ZNF385D: variants seen among roughly 807,000 people sequenced by gnomAD.
ZNF385D encodes the protein zinc finger protein 385D.
Under a neutral mutation model 35.8 loss-of-function variants are expected in ZNF385D, and 15 were observed. That is an observed-to-expected ratio of 0.42 (90% confidence interval 0.28 to 0.64). The LOEUF is 0.64. ZNF385D is among the 30% of genes least tolerant of loss of function. ZNF385D has a pLI of 0.23. For synonymous variants in ZNF385D, 212 were observed against 186.8 expected, an observed-to-expected ratio of 1.13 and a Z score of -1.10; for missense variants, 474 against 494.6, an observed-to-expected ratio of 0.96 and a Z score of 0.39.
chr3:21,557,236 T>G (rs1026821685), intron 3 of ZNF385D, among the ~76,000 whole-genome samples: 3 of 152,226 alleles, frequency 2.0e-5, no homozygotes, highest in Non-Finnish European at 4.4e-5. Flanking sequence ...CATCCTTATC[T>G]TGTGCTAGTT....
intron 3 of ZNF385D, among the ~76,000 whole-genome samples, chr3:22,015,764 C>T (rs7620894): frequency 0.051 from 7,827 of 152,156 alleles, 681 homozygotes; most frequent in African/African-American, 0.17. Context: ...TAATTGCTCT[C>T]CATCTCCTGG....
chr3:22,255,366 T>C (rs942180437), intron 2 of ZNF385D, among the ~76,000 whole-genome samples: 5 of 151,730 alleles, frequency 3.3e-5, no homozygotes, highest in South Asian at 2.1e-4. Context: ...AAATATATTA[T>C]TGTTTTACTT....
intron 3 of ZNF385D, among the ~76,000 whole-genome samples, chr3:21,981,113 T>G (rs557031990): frequency 6.6e-6 from 1 of 152,308 alleles, no homozygotes; most frequent in Non-Finnish European, 1.5e-5. Context: ...GAATGATAGT[T>G]GTACTTTTAG....
At chr3:22,344,780 A>G (rs567067186) in intron 2 of ZNF385D, among the ~76,000 whole-genome samples, 1 of 152,226 alleles carries the variant, frequency 6.6e-6, no homozygotes, top group Non-Finnish European at 1.5e-5. Flanking sequence ...AAGTATATTT[A>G]ATGAGGATAA....
chr3:21,516,492 A>G (rs1349487389), intron 3 of ZNF385D, among the ~76,000 whole-genome samples: 1 of 152,200 alleles, frequency 6.6e-6, no homozygotes, highest in Non-Finnish European at 1.5e-5. Flanking sequence ...GAAGATAAAG[A>G]TGACTCTAAA....
At chr3:21,624,603 C>T (rs2065086798) in intron 2 of ZNF385D, among the ~76,000 whole-genome samples, 1 of 152,088 alleles carries the variant, frequency 6.6e-6, no homozygotes, top group Non-Finnish European at 1.5e-5. Context: ...AAACTGCTGG[C>T]TTCCCAACTT....
At chr3:22,220,362 C>A (rs1178230443) in intron 2 of ZNF385D, among the ~76,000 whole-genome samples, 2 of 152,112 alleles carry the variant, frequency 1.3e-5, no homozygotes, top group African/African-American at 2.4e-5. Context: ...GGAGCCACTG[C>A]CTCCAGCAAA....
At chr3:22,111,164 TTTTTTTTTTTTTG>T (rs1338833917) in intron 3 of ZNF385D, among the ~76,000 whole-genome samples, 22 of 90,424 alleles carry the variant, frequency 2.4e-4, no homozygotes, top group African/African-American at 1.7e-4. Context: ...TTTTTTTTTT[TTTTTTTTTTTTTG>T]TTTTTTTTGT....
chr3:22,036,365 G>C (rs1409168900), intron 3 of ZNF385D, among the ~76,000 whole-genome samples: 1 of 152,118 alleles, frequency 6.6e-6, no homozygotes, highest in Non-Finnish European at 1.5e-5. Flanking sequence ...GGCCCAATGA[G>C]ACAAATGATT....
Position 22,123,986 on chromosome 3 carries a change from A to ATATATATATATATG in ZNF385D, c.325+44830_325+44831insCATATATATATATA, listed in dbSNP as rs753742081. On this transcript the variant is annotated intron_variant, in intron 3 of 5. Coordinates refer to the ZNF385D transcript ENST00000494108. The stretch of plus-strand genomic sequence containing the variant: ...TCTATATATATATATATATATATAT[A>ATATATATATATATG]TATTGCTGACTGAACTCATCCTGTT... Among the ~76,000 whole-genome samples, 735 of 121,894 alleles carry ATATATATATATATG rather than the reference A, an allele frequency of 6.0e-3. 14 individuals carry two copies. The highest frequency in any genetic ancestry group is 9.2e-3 in the Non-Finnish European group (532 of 57,812). 80.0% of individuals were successfully genotyped at this position (121,894 alleles called of 152,430 possible). A position where few individuals can be genotyped will look rare whatever the true frequency, so the allele number is the denominator to read the frequency against.
chr3:21,992,592 A>G (rs999734652), intron 3 of ZNF385D, among the ~76,000 whole-genome samples: 2 of 152,162 alleles, frequency 1.3e-5, no homozygotes, highest in Non-Finnish European at 2.9e-5. Flanking sequence ...GGCTATGTTA[A>G]TAGTTTGTGA....
At chr3:21,438,736 G>C (rs1380751578) in intron 4 of ZNF385D, among the ~76,000 whole-genome samples, 1 of 152,044 alleles carries the variant, frequency 6.6e-6, no homozygotes, top group South Asian at 2.1e-4. Context: ...GTGTCATAAA[G>C]AACATTCACC....
chr3:21,787,981 A>AAGAG (rs1559622276), intron 3 of ZNF385D, among the ~76,000 whole-genome samples: 3 of 104,880 alleles, frequency 2.9e-5, no homozygotes, highest in East Asian at 4.4e-4. Context: ...AAAAAAAAAA[A>AAGAG]AGAGAGAGAG....
At chr3:21,559,114 C>G (rs1302090329) in intron 3 of ZNF385D, among the ~76,000 whole-genome samples, 1 of 151,746 alleles carries the variant, frequency 6.6e-6, no homozygotes, top group East Asian at 1.9e-4. Flanking sequence ...TCTTGACACT[C>G]TATCCAATTT....
chr3:21,550,517 C>G lies in ZNF385D; in HGVS notation c.276+14057G>C, dbSNP rs367648315. ...TATATTTTTTAGACAGAGTCTCACTCTGTTGCCCAGGCTGGAGTGCAGTGG... is the reference window on the plus strand; with the variant it reads ...TATATTTTTTAGACAGAGTCTCACTGTGTTGCCCAGGCTGGAGTGCAGTGG... On this transcript the variant is annotated intron_variant, in intron 3 of 7. Coordinates refer to ENST00000281523, the MANE Select transcript of ZNF385D (RefSeq NM_024697.3). Among the ~76,000 whole-genome samples, 123 of 152,266 alleles carry G rather than the reference C, an allele frequency of 8.1e-4. 2 individuals carry two copies. The South Asian group carries it at 0.019, about 24-fold the overall frequency.
At chr3:21,810,188 C>T (rs1049114842) in intron 3 of ZNF385D, among the ~76,000 whole-genome samples, 23 of 152,104 alleles carry the variant, frequency 1.5e-4, no homozygotes, top group African/African-American at 5.5e-4. Context: ...AAGAAAAATA[C>T]ATCATGATCA....
chr3:22,093,548 G>A (rs1217898469), intron 3 of ZNF385D, among the ~76,000 whole-genome samples: 2 of 151,904 alleles, frequency 1.3e-5, no homozygotes, highest in Admixed American at 6.6e-5. Context: ...AACTACTAGA[G>A]GTTCGAGGAT....
intron 2 of ZNF385D, among the ~76,000 whole-genome samples, chr3:21,583,370 A>G (rs926256211): frequency 6.6e-6 from 1 of 152,194 alleles, no homozygotes; most frequent in Non-Finnish European, 1.5e-5. Context: ...AGGGGCTCTT[A>G]GAATATACTA....
intron 2 of ZNF385D, among the ~76,000 whole-genome samples, chr3:22,331,518 G>A (rs974151214): frequency 3.3e-5 from 5 of 152,000 alleles, no homozygotes; most frequent in Non-Finnish European, 5.9e-5. Context: ...ACGCATACTC[G>A]TAAAACACTG....
Sources: gnomAD v4.1 joint callset for allele counts (sites outside exome capture counted in the v4.1 genomes callset) on GRCh38, gnomAD v4.1.1 for gene constraint, MANE v1.5 for transcripts, NCBI Gene and HGNC (gene_info 2026-07-23, HGNC 2026-07-21) for gene names.